Variants in FRMPD4 observed in about 807,000 individuals in gnomAD.
FRMPD4 encodes the protein FERM and PDZ domain containing 4.
A neutral mutation model predicts 94.1 loss-of-function variants in FRMPD4; 22 were observed. That is an observed-to-expected ratio of 0.23 (90% CI 0.17 to 0.33). The LOEUF is 0.33. FRMPD4 is among the 10% of genes least tolerant of loss of function. The pLI is 1.00. For synonymous variants in FRMPD4, 631 were observed against 548.6 expected (o/e 1.15, Z -2.10); for missense variants, 1,111 against 1,339.9 (o/e 0.83, Z 2.67).
intron 4 of FRMPD4, among the ~76,000 whole-genome samples, chrX:12,639,487 C>A (rs1396092803): frequency 8.9e-6 from 1 of 111,793 alleles, no homozygotes; most frequent in African/African-American, 3.2e-5. Flanking sequence ...GAAAGCAAAA[C>A]TTTTTTCCCC....
At chrX:12,157,812 G>A (rs140225912) in intron 1 of FRMPD4, among the ~76,000 whole-genome samples, 127 of 112,786 alleles carry the variant, frequency 1.1e-3, no homozygotes, top group African/African-American at 3.9e-3. Context: ...TTCCATGATA[G>A]GATTTGATTG....
At chrX:11,935,269 GTTTTTTTT>G (rs1234166611) in intron 3 of FRMPD4, among the ~76,000 whole-genome samples, 5 of 5,011 alleles carry the variant, frequency 1.0e-3, no homozygotes, top group Non-Finnish European at 1.4e-3. Flanking sequence ...TTTTTAATGT[GTTTTTTTT>G]TTTTTTTTTT....
At chrX:12,167,553 C>A (rs1436950349) in intron 1 of FRMPD4, among the ~76,000 whole-genome samples, 1 of 111,626 alleles carries the variant, frequency 9.0e-6, no homozygotes, top group African/African-American at 3.3e-5. Flanking sequence ...CCACTTAGAT[C>A]TGGAAAACCT....
chrX:12,209,165 AT>A (rs1465589581), intron 1 of FRMPD4, among the ~76,000 whole-genome samples: 32 of 112,019 alleles, frequency 2.9e-4, no homozygotes, highest in African/African-American at 9.7e-4. Flanking sequence ...TAAATTAAGT[AT>A]TGTTAATCAT....
chrX:12,484,763 G>A (rs1057038231), intron 1 of FRMPD4, among the ~76,000 whole-genome samples: 7 of 111,984 alleles, frequency 6.3e-5, no homozygotes, highest in Admixed American at 3.8e-4. Flanking sequence ...TCAGAACCTC[G>A]TAAGATAACT....
chrX:12,112,407 G>A (rs1237085098), intron 3 of FRMPD4, among the ~76,000 whole-genome samples: 1 of 110,124 alleles, frequency 9.1e-6, no homozygotes, highest in Non-Finnish European at 1.9e-5. Flanking sequence ...TCACACACTG[G>A]GGCTTGTCAT....
At chrX:12,358,829 G>A (rs1429025365) in intron 1 of FRMPD4, among the ~76,000 whole-genome samples, 1 of 112,002 alleles carries the variant, frequency 8.9e-6, no homozygotes. Flanking sequence ...TACTACAAGT[G>A]TTCAGAATGG....
intron 3 of FRMPD4, among the ~76,000 whole-genome samples, chrX:11,957,437 T>G (rs1393681310): frequency 9.0e-6 from 1 of 111,326 alleles, no homozygotes; most frequent in East Asian, 2.8e-4. Flanking sequence ...TGGTGGCATA[T>G]GCCTATAGTC....
chrX:12,561,156 C>T (rs754662803), intron 2 of FRMPD4, among the ~76,000 whole-genome samples: 1 of 111,958 alleles, frequency 8.9e-6, no homozygotes, highest in South Asian at 3.7e-4. Flanking sequence ...TTTTCACCGA[C>T]ATTGTGGAAA....
At chrX:12,494,663 T>TA (rs1314931883) in intron 1 of FRMPD4, among the ~76,000 whole-genome samples, 1 of 111,817 alleles carries the variant, frequency 8.9e-6, no homozygotes, top group Non-Finnish European at 1.9e-5. Context: ...GTCCAGGACT[T>TA]AGAGGCATGA....
chrX:12,620,834 A>G (rs1382090974), intron 4 of FRMPD4, among the ~76,000 whole-genome samples: 1 of 112,646 alleles, frequency 8.9e-6, no homozygotes, highest in East Asian at 2.8e-4. Flanking sequence ...TAGTCACATG[A>G]TCTGGCTCCA....
At chrX:12,463,896 C>T (rs931151572) in intron 1 of FRMPD4, among the ~76,000 whole-genome samples, 1 of 109,472 alleles carries the variant, frequency 9.1e-6, no homozygotes, top group African/African-American at 3.3e-5. Context: ...ACAAATGTCC[C>T]CAAACTATAT....
intron 4 of FRMPD4, among the ~76,000 whole-genome samples, chrX:12,632,011 C>G (rs2059400543): frequency 8.9e-6 from 1 of 111,948 alleles, no homozygotes; most frequent in African/African-American, 3.2e-5. Context: ...ACTCAATAAC[C>G]TGTATTTCCC....
chrX:12,414,079 C>CT (rs1013720103), intron 1 of FRMPD4, among the ~76,000 whole-genome samples: 2 of 112,550 alleles, frequency 1.8e-5, no homozygotes, highest in African/African-American at 6.5e-5. Flanking sequence ...TATATCTTGG[C>CT]TAAATGAAAG....
At chrX:12,053,037 T>C (rs1401394769) in intron 3 of FRMPD4, among the ~76,000 whole-genome samples, 1 of 110,896 alleles carries the variant, frequency 9.0e-6, no homozygotes, top group Non-Finnish European at 1.9e-5. Context: ...TGTGAAACAC[T>C]GTTAAAAATT....
chrX:12,226,243 G>T (rs916374058), intron 1 of FRMPD4, among the ~76,000 whole-genome samples: 1 of 111,148 alleles, frequency 9.0e-6, no homozygotes, highest in African/African-American at 3.3e-5. Flanking sequence ...TAGCTGGGAC[G>T]ACAGTTGAGT....
At chrX:12,364,292 G>A (rs966715650) in intron 1 of FRMPD4, among the ~76,000 whole-genome samples, 2 of 111,778 alleles carry the variant, frequency 1.8e-5, no homozygotes, top group Non-Finnish European at 3.8e-5. Context: ...GGTGGGGCAT[G>A]TGGGAAAGCA....
intron 1 of FRMPD4, among the ~76,000 whole-genome samples, chrX:11,863,479 G>A (rs1205400504): frequency 9.0e-6 from 1 of 110,894 alleles, no homozygotes; most frequent in Non-Finnish European, 1.9e-5. Flanking sequence ...ACTTTGGTGG[G>A]AACTGAAGAA....
At position 12,120,205 on chromosome X, in the gene FRMPD4, T is replaced by C. The variant is rs889420872; in HGVS notation, c.95+242187T>C. ...TGTAAGAGAAGAGAGGAAGAAGAGATGAGATTACGGGAATGAGGAAAGAAT... is the reference window on the plus strand; with the variant it reads ...TGTAAGAGAAGAGAGGAAGAAGAGACGAGATTACGGGAATGAGGAAAGAAT... On this transcript the variant is annotated intron_variant, in intron 3 of 18. Coordinates refer to the FRMPD4 transcript ENST00000640291. Among the ~76,000 whole-genome samples, 3 of 112,052 alleles carry C rather than the reference T, an allele frequency of 2.7e-5. No individual in the cohort carries two copies. In the Admixed American group the frequency reaches 2.8e-4, roughly 11 times the overall value.
Sources: gnomAD v4.1 joint callset for allele counts (sites outside exome capture counted in the v4.1 genomes callset) on GRCh38, gnomAD v4.1.1 for gene constraint, MANE v1.5 for transcripts, NCBI Gene and HGNC (gene_info 2026-07-23, HGNC 2026-07-21) for gene names.